CSMD1: variants seen among roughly 807,000 people sequenced by gnomAD.
CSMD1 encodes the protein CUB and Sushi multiple domains 1.
In CSMD1, 213 loss-of-function variants were observed where a neutral mutation model predicts 417.5. The ratio of observed to expected loss-of-function variants is 0.51; its 90% CI spans 0.46 to 0.57. CSMD1 has a LOEUF of 0.57. Ranked by LOEUF, CSMD1 falls within the 20% of genes least tolerant of loss-of-function variation. The probability of loss-of-function intolerance (pLI) is 0.00; values close to 1 mark genes in which losing one functional copy is unlikely to be tolerated. For missense variants in CSMD1, 6,923 were observed against 4,529.7 expected, an observed-to-expected ratio of 1.53 and a Z score of -15.17; for synonymous variants, 2,862 against 1,736.8, an observed-to-expected ratio of 1.65 and a Z score of -16.11.
chr8:4,430,196 T>A (rs994495530), intron 2 of CSMD1, among the ~76,000 whole-genome samples: 2 of 152,178 alleles, frequency 1.3e-5, no homozygotes, highest in African/African-American at 4.8e-5. Context: ...AGGTGCCCCT[T>A]TATCTCAGGA....
In CSMD1 at chr8:3,240,162, G is replaced by A. The variant is rs547362500; in HGVS notation, c.4154-9931C>T. Among the ~76,000 whole-genome samples the A allele has an allele frequency of 7.9e-4, 121 of 152,214 alleles. 1 individual carries two copies. Among genetic ancestry groups the A allele is most frequent in the African/African-American group, 2.4e-3 (100 of 41,538 alleles). ...TTTGGGTAAAAAGGCTACTCGGTGC[G>A]GTCCCGGTTCTTGTGTAAGAATTCT... On this transcript the variant is annotated intron_variant, in intron 26 of 69. Coordinates refer to ENST00000635120, the MANE Select transcript of CSMD1 (RefSeq NM_033225.6).
Position 4,613,422 on chromosome 8 carries a change from T to C in CSMD1, c.302+23920A>G, listed in dbSNP as rs143383646. The stretch of plus-strand genomic sequence containing the variant: ...AGCTTAGGCAAGCTCATGCTACTCA[T>C]GAACTAGGTTAGTTGCCTCCAGAAC... On this transcript the variant is annotated intron_variant, in intron 2 of 69. Transcript: ENST00000635120. Among the ~76,000 whole-genome samples, 15 of 152,264 alleles carry C rather than the reference T, an allele frequency of 9.9e-5. No individual in the cohort carries two copies. The East Asian group carries it at 2.9e-3, about 29-fold the overall frequency.
At chr8:3,416,619 C>G (rs1043548714) in intron 12 of CSMD1, among the ~76,000 whole-genome samples, 4 of 152,194 alleles carry the variant, frequency 2.6e-5, no homozygotes, top group Non-Finnish European at 5.9e-5. Flanking sequence ...GTCCCAGGAG[C>G]TACATGGAAA....
intron 7 of CSMD1, among the ~76,000 whole-genome samples, chr8:3,643,214 G>T (rs1439910104): frequency 6.6e-6 from 1 of 152,020 alleles, no homozygotes; most frequent in South Asian, 2.1e-4. Context: ...TAATGAAAAT[G>T]GTGACCATAT....
At chr8:3,904,977 G>C (rs894048091) in intron 5 of CSMD1, among the ~76,000 whole-genome samples, 2 of 152,078 alleles carry the variant, frequency 1.3e-5, no homozygotes, top group African/African-American at 2.4e-5. Context: ...TAAGGTCAAA[G>C]AGGAAGAAGT....
intron 5 of CSMD1, among the ~76,000 whole-genome samples, chr8:3,810,794 T>C (rs903976033): frequency 2.0e-5 from 3 of 152,144 alleles, no homozygotes; most frequent in Non-Finnish European, 2.9e-5. Context: ...GTCCGGCACA[T>C]CATCAGGCTG....
intron 49 of CSMD1, among the ~76,000 whole-genome samples, chr8:3,058,026 C>A (rs1360779090): frequency 6.6e-6 from 1 of 152,128 alleles, no homozygotes; most frequent in East Asian, 1.9e-4. Flanking sequence ...ACTTTCTTGC[C>A]TTAGTTTTCT....
chr8:3,898,452 T>G (rs977634727), intron 5 of CSMD1, among the ~76,000 whole-genome samples: 2 of 152,206 alleles, frequency 1.3e-5, no homozygotes, highest in Admixed American at 1.3e-4. Context: ...TCAAGTAAGT[T>G]GAATAATATT....
intron 9 of CSMD1, among the ~76,000 whole-genome samples, chr8:3,581,634 G>T (rs757062414): frequency 6.6e-6 from 1 of 152,208 alleles, no homozygotes. Context: ...GATGCACCTC[G>T]CTGGAATACC....
rs868423746 is a variant in CSMD1 at position 3,370,009 on chromosome 8, T to C, written c.2783-639A>G. On this transcript the variant is annotated intron_variant, in intron 18 of 69. Coordinates refer to ENST00000635120, the MANE Select transcript of CSMD1 (RefSeq NM_033225.6). ...TCTCATGGATAGGTGTTTGCAATGATTGCCATTGTAGAACACAATTTACAG... is the reference window on the plus strand; with the variant it reads ...TCTCATGGATAGGTGTTTGCAATGACTGCCATTGTAGAACACAATTTACAG... 5.3e-5 allele frequency among the ~76,000 whole-genome samples: 8 copies of C among 152,304 alleles called. No homozygotes were observed. In the South Asian group the frequency reaches 6.2e-4, roughly 12 times the overall value.
rs529859744 is a variant in CSMD1, at chr8:3,366,737, G to T, written c.3115+295C>A. On this transcript the variant is annotated intron_variant, in intron 20 of 69. Transcript: ENST00000635120. ...AGAGATCTTGTAGAGTTGGTGAAGA[G>T]AATCGAGTGAGAAGGGCTTTGCAGA... is the stretch of plus-strand genomic sequence containing the variant. Among the ~76,000 whole-genome samples, 3 of 152,168 alleles carry T rather than the reference G, an allele frequency of 2.0e-5. No homozygotes were observed. The South Asian group carries it at 6.2e-4, about 31-fold the overall frequency.
intron 3 of CSMD1, among the ~76,000 whole-genome samples, chr8:4,388,411 G>C (rs1803615646): frequency 6.6e-6 from 1 of 151,878 alleles, no homozygotes; most frequent in Non-Finnish European, 1.5e-5. Flanking sequence ...CAGAGACCTG[G>C]ATGACATTGG....
At chr8:4,304,891 C>G (rs1158289894) in intron 3 of CSMD1, among the ~76,000 whole-genome samples, 5 of 152,142 alleles carry the variant, frequency 3.3e-5, no homozygotes, top group Admixed American at 2.0e-4. Flanking sequence ...CTTAATCTAT[C>G]AAAATATATA....
At chr8:4,454,059 T>C (rs1182964398) in intron 2 of CSMD1, among the ~76,000 whole-genome samples, 2 of 152,014 alleles carry the variant, frequency 1.3e-5, no homozygotes, top group Non-Finnish European at 2.9e-5. Context: ...CCTGACCTCG[T>C]GATCCGCCCG....
intron 5 of CSMD1, among the ~76,000 whole-genome samples, chr8:3,984,704 C>CATATATATATATAT (rs59669026): frequency 2.4e-5 from 2 of 82,842 alleles, no homozygotes; most frequent in East Asian, 6.6e-4. Flanking sequence ...GTGTATATAT[C>CATATATATATATAT]ATATATATAT....
Position 4,871,100 on chromosome 8 carries a change from G to A in CSMD1, c.85+123232C>T, listed in dbSNP as rs1034525674. On this transcript the variant is annotated intron_variant, in intron 1 of 69. Coordinates refer to ENST00000635120, the MANE Select transcript of CSMD1 (RefSeq NM_033225.6). ...AGCTCTGGCCTGGGCCATGGGAGGA[G>A]GCAGTAGCTGGGGCTGGGAGATAGG... Among the ~76,000 whole-genome samples the A allele has an allele frequency of 1.6e-4, 25 of 152,256 alleles. 1 individual carries two copies. The highest frequency in any genetic ancestry group is 6.0e-4 in the African/African-American group (25 of 41,498).
At chr8:3,340,104 C>G (rs1458376136) in intron 23 of CSMD1, among the ~76,000 whole-genome samples, 2 of 152,138 alleles carry the variant, frequency 1.3e-5, no homozygotes, top group African/African-American at 2.4e-5. Context: ...TGATGCCTGC[C>G]AAATGAGGAT....
chr8:4,460,176 A>G (rs1232435287), intron 2 of CSMD1, among the ~76,000 whole-genome samples: 2 of 152,204 alleles, frequency 1.3e-5, no homozygotes, highest in Admixed American at 6.5e-5. Context: ...TCTGAGCTCA[A>G]TGCAAGAAAA....
At chr8:3,379,624 T>A (rs1810511081) in intron 18 of CSMD1, among the ~76,000 whole-genome samples, 1 of 152,024 alleles carries the variant, frequency 6.6e-6, no homozygotes, top group Non-Finnish European at 1.5e-5. Context: ...CTTTGACAAA[T>A]GTGATAAAAA....
Sources: allele counts gnomAD v4.1 joint callset (sites outside exome capture counted in the v4.1 genomes callset), GRCh38; gene constraint gnomAD v4.1.1; transcripts MANE v1.5; gene names NCBI Gene and HGNC (gene_info 2026-07-23, HGNC 2026-07-21).